The following DACH1 variants were observed in gnomAD, a reference collection of about 807,000 sequenced individuals.
The protein encoded by DACH1 is dachshund homolog 1.
DACH1 carries 12 observed loss-of-function variants against 54.2 expected under a neutral mutation model. That is an observed-to-expected ratio of 0.22 (90% CI 0.14 to 0.36). The LOEUF is 0.36. Among genes scored for constraint, DACH1 ranks in the 10% least tolerant of loss-of-function variants. The pLI, the probability that DACH1 is intolerant of heterozygous loss-of-function variation, is 1.00. For missense variants in DACH1, 805 were observed against 929.8 expected (o/e 0.87, Z 1.75); for synonymous variants, 386 against 366.2 (o/e 1.05, Z -0.62).
chr13:71,654,687 A>C (rs1878967970), intron 2 of DACH1, among the ~76,000 whole-genome samples: 1 of 152,036 alleles, frequency 6.6e-6, no homozygotes, highest in African/African-American at 2.4e-5. Context: ...AGTTTTCATA[A>C]GCATTACAGT....
intron 1 of DACH1, among the ~76,000 whole-genome samples, chr13:71,813,859 A>C (rs897033871): frequency 3.3e-5 from 5 of 152,312 alleles, no homozygotes; most frequent in Admixed American, 2.0e-4. Context: ...ATGGATCAAG[A>C]GACCCAAAGC....
In DACH1 at chr13:71,865,284, G is replaced by A. The variant is rs145376068; in HGVS notation, c.848+638C>T. Among the ~76,000 whole-genome samples the A allele has an allele frequency of 1.2e-3, 180 of 152,268 alleles. 1 individual carries two copies. The highest frequency in any genetic ancestry group is 1.8e-3 in the Non-Finnish European group (123 of 68,030). Reference sequence around the variant, plus strand: ...CTCAAGTCCCCGGAGCCCATCCCCCGGGATGGACCCGGTCTCTCAGCTTCG... The same window carrying A: ...CTCAAGTCCCCGGAGCCCATCCCCCAGGATGGACCCGGTCTCTCAGCTTCG... On this transcript the variant is annotated intron_variant, in intron 1 of 10. Transcript: ENST00000613252.
chr13:71,582,010 G>T (rs1417626815), intron 3 of DACH1, among the ~76,000 whole-genome samples: 1 of 152,164 alleles, frequency 6.6e-6, no homozygotes, highest in Non-Finnish European at 1.5e-5. Context: ...GAGATGCCCA[G>T]TGAGGAAGAT....
At chr13:71,834,005 GTTTAAC>G (rs1888685971) in intron 1 of DACH1, among the ~76,000 whole-genome samples, 1 of 151,974 alleles carries the variant, frequency 6.6e-6, no homozygotes. Context: ...TGAAAAAAAT[GTTTAAC>G]TTTACAAAAG....
At chr13:71,845,104 A>C (rs1248214009) in intron 1 of DACH1, among the ~76,000 whole-genome samples, 1 of 152,190 alleles carries the variant, frequency 6.6e-6, no homozygotes, top group African/African-American at 2.4e-5. Context: ...AGCTAGAAGG[A>C]AGATTATTTA....
At chr13:71,724,262 T>A (rs1459942446) in intron 1 of DACH1, among the ~76,000 whole-genome samples, 1 of 152,232 alleles carries the variant, frequency 6.6e-6, no homozygotes, top group African/African-American at 2.4e-5. Flanking sequence ...AAGTGAGAAG[T>A]AATTTTACAT....
intron 1 of DACH1, among the ~76,000 whole-genome samples, chr13:71,816,600 A>ATG (rs201182473): frequency 0.013 from 1,317 of 99,776 alleles, 14 homozygotes; most frequent in Non-Finnish European, 0.022. Flanking sequence ...ATACACACAT[A>ATG]TGTGTGTATA....
chr13:71,741,521 ATTGTAT>A (rs1353054105), intron 1 of DACH1, among the ~76,000 whole-genome samples: 4 of 152,142 alleles, frequency 2.6e-5, no homozygotes, highest in African/African-American at 9.6e-5. Context: ...TTTATTTAGT[ATTGTAT>A]TTTTATTTTT....
At chr13:71,770,110 T>C (rs1046610500) in intron 1 of DACH1, among the ~76,000 whole-genome samples, 2 of 151,720 alleles carry the variant, frequency 1.3e-5, no homozygotes, top group African/African-American at 2.4e-5. Flanking sequence ...TTTCTCCATA[T>C]TTTAAATGTC....
intron 3 of DACH1, among the ~76,000 whole-genome samples, chr13:71,623,348 T>A (rs921400445): frequency 6.6e-6 from 1 of 151,704 alleles, no homozygotes; most frequent in Admixed American, 6.6e-5. Flanking sequence ...TTTAAAATAA[T>A]CTAATTTAAG....
intron 10 of DACH1, 114 bp downstream of exon 10, chr13:71,475,027 T>G: frequency 1.2e-6 from 1 of 868,748 alleles, no homozygotes; most frequent in Non-Finnish European, 1.9e-6. Context: ...TGACCTTGTT[T>G]GAACTTGTTT....
chr13:71,474,505 C>G (rs1294352831), intron 10 of DACH1, among the ~76,000 whole-genome samples: 1 of 152,090 alleles, frequency 6.6e-6, no homozygotes, highest in Non-Finnish European at 1.5e-5. Flanking sequence ...ATGCTACCTT[C>G]TGGTTTTATT....
intron 3 of DACH1, among the ~76,000 whole-genome samples, chr13:71,605,566 T>G (rs1311523571): frequency 6.6e-6 from 1 of 151,920 alleles, no homozygotes. Flanking sequence ...ATTGATTACT[T>G]TTCATATAAT....
At chr13:71,648,004 A>G (rs1878411343) in intron 2 of DACH1, among the ~76,000 whole-genome samples, 1 of 152,244 alleles carries the variant, frequency 6.6e-6, no homozygotes, top group Admixed American at 6.5e-5. Context: ...TCATAAAATT[A>G]CACAGTGAAT....
intron 6 of DACH1, among the ~76,000 whole-genome samples, chr13:71,553,662 A>ATT (rs978710227): frequency 1.4e-5 from 2 of 146,086 alleles, no homozygotes; most frequent in African/African-American, 5.0e-5. Context: ...GTATATATAT[A>ATT]TATATATGCA....
intron 1 of DACH1, among the ~76,000 whole-genome samples, chr13:71,697,130 C>G (rs919003080): frequency 6.6e-6 from 1 of 152,108 alleles, no homozygotes; most frequent in Non-Finnish European, 1.5e-5. Context: ...TGGTGACTAT[C>G]TGTCTTGCAT....
intron 1 of DACH1, among the ~76,000 whole-genome samples, chr13:71,716,515 C>T (rs1256297119): frequency 6.6e-6 from 1 of 151,906 alleles, no homozygotes; most frequent in Admixed American, 6.6e-5. Context: ...CTGAAATGCC[C>T]ATTCCTTCAG....
chr13:71,750,678 C>A (rs1438712572), intron 1 of DACH1, among the ~76,000 whole-genome samples: 3 of 152,080 alleles, frequency 2.0e-5, no homozygotes, highest in African/African-American at 7.2e-5. Context: ...TAGTTATTAG[C>A]AAAATAGAAA....
chr13:71,801,580 A>C (rs942403081), intron 1 of DACH1, among the ~76,000 whole-genome samples: 2 of 152,138 alleles, frequency 1.3e-5, no homozygotes, highest in Non-Finnish European at 2.9e-5. Context: ...CAAGTGATAC[A>C]CTGATGGGCA....
Sources: gnomAD v4.1 joint callset for allele counts (sites outside exome capture counted in the v4.1 genomes callset) on GRCh38, gnomAD v4.1.1 for gene constraint, MANE v1.5 for transcripts, NCBI Gene and HGNC (gene_info 2026-07-23, HGNC 2026-07-21) for gene names.